SRP72: variants seen among roughly 807,000 people sequenced by gnomAD.
SRP72 encodes the protein signal recognition particle 72.
A neutral mutation model predicts 96.3 loss-of-function variants in SRP72; 49 were observed. That is an observed-to-expected ratio of 0.51 (90% CI 0.40 to 0.65). The LOEUF (loss-of-function observed/expected upper bound fraction) is 0.65, where lower values mean the gene tolerates loss of function less well. Among genes scored for constraint, SRP72 ranks in the 30% least tolerant of loss-of-function variants. The pLI, the probability that SRP72 is intolerant of heterozygous loss-of-function variation, is 0.00. For synonymous variants in SRP72, 267 were observed against 275.2 expected (o/e 0.97, Z 0.30); for missense variants, 736 against 793.3 (o/e 0.93, Z 0.87).
rs113107092 is a variant in SRP72, at chr4:56,474,606, C to T, written c.610+215C>T. 1,798 of 571,072 alleles carry T rather than the reference C, an allele frequency of 3.1e-3. 53 individuals are homozygous for T. In the South Asian group the frequency reaches 0.035, roughly 11 times the overall value. 35.4% of individuals were successfully genotyped at this position (571,072 alleles called of 1,614,324 possible). On this transcript the variant is annotated intron_variant, in intron 5 of 18. Coordinates refer to ENST00000642900, the MANE Select transcript of SRP72 (RefSeq NM_006947.4). The stretch of plus-strand genomic sequence containing the variant: ...TTGCCCAGGCTGGAGTACAATGGCA[C>T]GATCTCGGCTCACTGCAACCTCTGT...
intron 8 of SRP72, among the ~76,000 whole-genome samples, chr4:56,479,267 C>T (rs1201370028): frequency 6.6e-6 from 1 of 152,130 alleles, no homozygotes; most frequent in African/African-American, 2.4e-5. Flanking sequence ...GCAACCTCCG[C>T]CTCCCGCGTT....
chr4:56,496,723 C>T (rs930426237), intron 17 of SRP72, among the ~76,000 whole-genome samples: 8 of 152,132 alleles, frequency 5.3e-5, no homozygotes, highest in African/African-American at 1.9e-4. Context: ...CATGGTGGCT[C>T]ACGCCTGTAA....
At chr4:56,489,178 A>G (rs538123433) in intron 12 of SRP72, 112 of 409,730 alleles carry the variant, frequency 2.7e-4, no homozygotes, top group African/African-American at 2.0e-3. Flanking sequence ...TTTATTTTAC[A>G]GATATCTACC....
chr4:56,478,413 C>T lies in SRP72; in HGVS notation c.677C>T (p.Ala226Val). 1 of 1,612,288 alleles carries T rather than the reference C, an allele frequency of 6.2e-7. No homozygotes were observed. The highest frequency in any genetic ancestry group is 8.5e-7 in the Non-Finnish European group (1 of 1,179,616). ...GTEEDPQAEL[A>V]IIHGQMAYIL... ...GAGGAAGACCCACAGGCAGAACTGG[C>T]CATCATTCATGGTCAGATGGCTTAT... Residue 226 changes from alanine (A) to valine (V), a missense_variant, in exon 7 of 19, where the codon GCC becomes GTC. By Grantham distance (64) the Ala-to-Val change is moderately conservative. Around this residue, in one of 3 missense-constraint regions of SRP72, gnomAD observed 329 missense variants for 319.0 expected, o/e 1.03. Transcript: ENST00000642900.
intron 17 of SRP72, among the ~76,000 whole-genome samples, chr4:56,498,457 T>C (rs1721155201): frequency 6.6e-6 from 1 of 152,092 alleles, no homozygotes; most frequent in African/African-American, 2.4e-5. Flanking sequence ...ATAAAGGATA[T>C]TCAAACAAAA....
intron 17 of SRP72, among the ~76,000 whole-genome samples, chr4:56,495,749 C>A (rs1721055837): frequency 6.6e-6 from 1 of 152,138 alleles, no homozygotes. Flanking sequence ...TAAGCACTTA[C>A]ACATTTTGAT....
At position 56,478,511 on chromosome 4, in the gene SRP72, A is replaced by G; in HGVS notation, c.767+8A>G. The G allele has an allele frequency of 6.2e-7, 1 of 1,613,852 alleles. No individual in the cohort carries two copies. The highest frequency in any genetic ancestry group is 8.5e-7 in the Non-Finnish European group (1 of 1,179,920). ...TCAAATAATAAAACTAAAGTGAGTT[A>G]TTAAAAGGAAGTGTCTTTTATAGGG... is the stretch of plus-strand genomic sequence containing the variant. On this transcript the variant is annotated splice_region_variant and intron_variant, in intron 7 of 18. Transcript: ENST00000642900.
intron 17 of SRP72, among the ~76,000 whole-genome samples, chr4:56,500,260 A>G (rs1335018284): frequency 6.6e-6 from 1 of 152,132 alleles, no homozygotes; most frequent in Admixed American, 6.6e-5. Flanking sequence ...AGAAATACCT[A>G]ATGTAGATGA....
In SRP72 at chr4:56,500,540, A is replaced by C; in HGVS notation, c.1683A>C (p.Lys561Asn). 6.2e-7 allele frequency: 1 copy of C among 1,611,722 alleles called. No homozygotes were observed. Among genetic ancestry groups the C allele is most frequent in the Non-Finnish European group, 8.5e-7 (1 of 1,179,112 alleles). ...TTCTTTATAATCGTTATGCAGGAAAATTGCCTAAGAATTATGACCCAAAAG... is the reference window on the plus strand; with the variant it reads ...TTCTTTATAATCGTTATGCAGGAAACTTGCCTAAGAATTATGACCCAAAAG... ...LKKKKKKKKG[K>N]LPKNYDPKVT... The change falls in exon 18 of 19, where the codon AAA becomes AAC. Residue 561 changes from lysine (K) to asparagine (N), a missense_variant. Lys to Asn is a moderately conservative substitution (Grantham distance 94, BLOSUM62 0). Around this residue, in one of 3 missense-constraint regions of SRP72, gnomAD observed 388 missense variants for 431.8 expected, o/e 0.90. Transcript: ENST00000642900.
At chr4:56,489,559 G>A in intron 13 of SRP72, 76 bp downstream of exon 13, 3 of 824,180 alleles carry the variant, frequency 3.6e-6, no homozygotes, top group Admixed American at 2.3e-5. Context: ...AAAAATTCAG[G>A]CAAACAAGTA....
intron 16 of SRP72, among the ~76,000 whole-genome samples, chr4:56,492,046 C>G (rs1300408153): frequency 6.6e-6 from 1 of 152,148 alleles, no homozygotes. Flanking sequence ...ACCCTTTTGA[C>G]CAGGTTCGTC....
intron 1 of SRP72, 42 bp from the exon 2 acceptor site, chr4:56,469,611 G>A: frequency 6.6e-7 from 1 of 1,507,448 alleles, no homozygotes; most frequent in Non-Finnish European, 9.0e-7. Context: ...ATGTGAAAAG[G>A]AAATGGATTT....
intron 16 of SRP72, among the ~76,000 whole-genome samples, chr4:56,494,356 T>A (rs935228973): frequency 2.6e-5 from 4 of 151,988 alleles, no homozygotes; most frequent in African/African-American, 9.7e-5. Flanking sequence ...TAAGAATATA[T>A]AGAGAGATGT....
At chr4:56,480,750 CTCTT>C (rs1720450495) in intron 8 of SRP72, among the ~76,000 whole-genome samples, 1 of 152,106 alleles carries the variant, frequency 6.6e-6, no homozygotes, top group South Asian at 2.1e-4. Flanking sequence ...AGTTTAAAAT[CTCTT>C]TCTGGTGTTG....
At chr4:56,483,326 A>C (rs1191460228) in intron 9 of SRP72, 56 bp downstream of exon 9, 1 of 1,488,566 alleles carries the variant, frequency 6.7e-7, no homozygotes, top group Non-Finnish European at 9.2e-7. Context: ...GTATATGAGG[A>C]GTAATAGGGA....
At chr4:56,484,647 A>G in intron 9 of SRP72, 89 bp from the exon 10 acceptor site, 1 of 1,550,602 alleles carries the variant, frequency 6.4e-7, no homozygotes, top group Non-Finnish European at 8.8e-7. Flanking sequence ...GTTTCAACTG[A>G]TTTTCCCATG....
chr4:56,489,426 T>C lies in SRP72; in HGVS notation c.1263T>C (p.Asp421=), dbSNP rs936205173. The C allele has an allele frequency of 3.1e-6, 5 of 1,603,102 alleles. No individual in the cohort carries two copies. Among genetic ancestry groups the C allele is most frequent in the Middle Eastern group, 1.8e-4 (1 of 5,530 alleles). The change falls in exon 13 of 19, where the codon GAT becomes GAC. Residue 421 remains aspartate (D), a synonymous_variant. Transcript: ENST00000642900. ...ALVTMYSHEE[D]IDSAIEVFTQ... ...TTACCATGTATAGCCATGAAGAAGA[T>C]ATTGATAGTGCCATTGAGGTCTTCA...
At position 56,491,833 on chromosome 4, in the gene SRP72, A is replaced by G. The variant is rs528999078; in HGVS notation, c.1640+265A>G. On this transcript the variant is annotated intron_variant, in intron 16 of 18. Transcript: ENST00000642900. ...CAGATGGTTTACAAATATTTTCTTT[A>G]AATTGGTTTATTTATTACTATTTTT... is the stretch of plus-strand genomic sequence containing the variant. The G allele has an allele frequency of 4.2e-5, 12 of 286,162 alleles. No individual in the cohort carries two copies. The South Asian group carries it at 9.8e-4, about 23-fold the overall frequency. The allele number at this position is 286,162 out of a possible 1,614,324, so 17.7% of individuals were successfully genotyped here. A position where few individuals can be genotyped will look rare whatever the true frequency, so the allele number is the denominator to read the frequency against.
In SRP72 at chr4:56,476,906, C is replaced by T. The variant is rs1250192776; in HGVS notation, c.642+204C>T. 2.2e-5 allele frequency: 12 copies of T among 548,860 alleles called. No homozygotes were observed. In the South Asian group the frequency reaches 3.0e-4, roughly 14 times the overall value. 34.0% of individuals were successfully genotyped at this position (548,860 alleles called of 1,614,324 possible). A position where few individuals can be genotyped will look rare whatever the true frequency, so the allele number is the denominator to read the frequency against. ...CACAATACAAAAAATTTTGACATAACCTTAAGCACTTGATTATACATTTAT... is the reference window on the plus strand; with the variant it reads ...CACAATACAAAAAATTTTGACATAATCTTAAGCACTTGATTATACATTTAT... On this transcript the variant is annotated intron_variant, in intron 6 of 18. Transcript: ENST00000642900.
Sources: allele counts gnomAD v4.1 joint callset (sites outside exome capture counted in the v4.1 genomes callset), GRCh38; gene constraint gnomAD v4.1.1; regional missense constraint gnomAD v4.1.1; transcripts MANE v1.5; gene names NCBI Gene and HGNC (gene_info 2026-07-23, HGNC 2026-07-21).